STK40: variants seen among roughly 807,000 people sequenced by gnomAD.
STK40 encodes the protein serine/threonine kinase 40.
In STK40, 13 loss-of-function variants were observed where a neutral mutation model predicts 47.9. The observed-to-expected ratio is 0.27, with a 90% CI of 0.18 to 0.43. The LOEUF (loss-of-function observed/expected upper bound fraction) is 0.43, where lower values mean the gene tolerates loss of function less well. STK40 is among the 20% of genes least tolerant of loss of function. STK40 has a pLI of 1.00. For synonymous variants in STK40, 225 were observed against 243.2 expected (o/e 0.93, Z 0.69); for missense variants, 460 against 595.1 (o/e 0.77, Z 2.36).
intron 1 of STK40, among the ~76,000 whole-genome samples, chr1:36,377,426 G>A (rs895114713): frequency 7.3e-5 from 11 of 151,468 alleles, no homozygotes; most frequent in Admixed American, 3.9e-4. Flanking sequence ...CCAGCTACTC[G>A]GGAGGCTGAG....
chr1:36,343,880 G>C lies in STK40; in HGVS notation c.984C>G (p.Leu328=). Residue 328 remains leucine, a synonymous_variant, in exon 9 of 11, where the codon CTC becomes CTG. Coordinates refer to ENST00000373132, the MANE Select transcript of STK40 (RefSeq NM_001282547.2). ...RLAAADVLEA[L]SAIIASWQSL... The stretch of plus-strand genomic sequence containing the variant: ...CTTACCATGATGCAATGATGGCACT[G>C]AGGGCCTCCAGGACGTCGGCGGCGG... The C allele has an allele frequency of 1.9e-6, 3 of 1,602,854 alleles. No homozygotes were observed. Among genetic ancestry groups the C allele is most frequent in the Non-Finnish European group, 2.6e-6 (3 of 1,172,120 alleles).
At chr1:36,383,964 G>T (rs906798674) in intron 1 of STK40, among the ~76,000 whole-genome samples, 2 of 150,824 alleles carry the variant, frequency 1.3e-5, no homozygotes, top group African/African-American at 4.9e-5. Flanking sequence ...TGAGCTCACA[G>T]CTTTCTCCCT....
intron 1 of STK40, among the ~76,000 whole-genome samples, chr1:36,383,026 G>A (rs181024522): frequency 6.6e-5 from 10 of 152,192 alleles, no homozygotes; most frequent in African/African-American, 1.4e-4. Flanking sequence ...TTGGTTCACC[G>A]CAACCTCCGC....
chr1:36,373,120 G>C (rs1003248646), intron 1 of STK40, among the ~76,000 whole-genome samples: 2 of 152,146 alleles, frequency 1.3e-5, no homozygotes, highest in Admixed American at 6.6e-5. Context: ...CTCTACACTA[G>C]TCACCTACCC....
At chr1:36,343,275 G>A (rs772178950) in intron 10 of STK40, 89 bp downstream of exon 10, 1 of 1,392,496 alleles carries the variant, frequency 7.2e-7, no homozygotes, top group South Asian at 1.2e-5. Context: ...TGGCCTGCGG[G>A]TAGCTGCCAC....
intron 4 of STK40, among the ~76,000 whole-genome samples, chr1:36,356,896 A>G (rs1385580245): frequency 1.3e-5 from 2 of 152,124 alleles, no homozygotes; most frequent in East Asian, 3.9e-4. Context: ...ATACCAAGAA[A>G]CCACAATCAC....
intron 1 of STK40, among the ~76,000 whole-genome samples, chr1:36,362,270 C>A (rs1646858692): frequency 6.6e-6 from 1 of 152,156 alleles, no homozygotes; most frequent in Non-Finnish European, 1.5e-5. Context: ...AAAGCAGGAT[C>A]CGGGGGGGAC....
intron 7 of STK40, among the ~76,000 whole-genome samples, chr1:36,346,950 A>G (rs1371148987): frequency 6.6e-6 from 1 of 152,224 alleles, no homozygotes; most frequent in East Asian, 1.9e-4. Context: ...AGAGGGTGCC[A>G]GACTGTGCTG....
intron 4 of STK40, 26 bp downstream of exon 4, chr1:36,358,213 G>A (rs367957252): frequency 2.9e-5 from 45 of 1,560,034 alleles, no homozygotes; most frequent in Middle Eastern, 2.0e-4. Context: ...AGGTGAGCGC[G>A]AAGGGTGAGG....
chr1:36,358,329 C>T lies in STK40; in HGVS notation c.252G>A (p.Arg84=), dbSNP rs1188748982. The change falls in exon 4 of 11, where the codon CGG becomes CGA. Residue 84 remains arginine (R), a synonymous_variant. Coordinates refer to ENST00000373132, the MANE Select transcript of STK40 (RefSeq NM_001282547.2). ...GDQGIESQEE[R]QGKMLLHTEY... ...CGGTGTGCAGCAGCATCTTGCCCTGCCGCTCTTCCTGGCTCTCTATGCCTT... is the reference window on the plus strand; with the variant it reads ...CGGTGTGCAGCAGCATCTTGCCCTGTCGCTCTTCCTGGCTCTCTATGCCTT... 6.2e-7 allele frequency: 1 copy of T among 1,610,138 alleles called. No individual in the cohort carries two copies. The highest frequency in any genetic ancestry group is 8.5e-7 in the Non-Finnish European group (1 of 1,176,664).
chr1:36,361,155 T>G (rs899718546), intron 2 of STK40, 66 bp downstream of exon 2: 19 of 1,585,292 alleles, frequency 1.2e-5, no homozygotes, highest in Non-Finnish European at 1.6e-5. Context: ...GGTCAGATCA[T>G]GCGAGCCAAT....
At position 36,339,800 on chromosome 1, in the gene STK40, G is replaced by A. The variant is rs1315024709; in HGVS notation, c.*1955C>T. The A allele has an allele frequency of 2.6e-5, 4 of 152,698 alleles. No homozygotes were observed. The highest frequency in any genetic ancestry group is 2.0e-4 in the Admixed American group (3 of 15,288). 9.5% of individuals were successfully genotyped at this position (152,698 alleles called of 1,614,324 possible). On this transcript the variant is annotated 3_prime_UTR_variant, in exon 11 of 11. Coordinates refer to ENST00000373132, the MANE Select transcript of STK40 (RefSeq NM_001282547.2). ...CATCCTCCTCTCCTTTGCTTCACCA[G>A]GAATGTCATCAGACACATGGCTTGA... is the stretch of plus-strand genomic sequence containing the variant.
In STK40 at chr1:36,343,854, A is replaced by T. The variant is rs747101218; in HGVS notation, c.1004+6T>A. 1 of 1,580,556 alleles carries T rather than the reference A, an allele frequency of 6.3e-7. No homozygotes were observed. Among genetic ancestry groups the T allele is most frequent in the Admixed American group, 1.8e-5 (1 of 56,884 alleles). On this transcript the variant is annotated splice_donor_region_variant and intron_variant, in intron 9 of 10. Transcript: ENST00000373132. ...CTTGTGCCCGGTCAAGTGCCTGTCC[A>T]CTTACCATGATGCAATGATGGCACT...
intron 7 of STK40, among the ~76,000 whole-genome samples, chr1:36,347,764 TGCCTTAGCCTCC>T (rs1453241994): frequency 6.6e-6 from 1 of 151,912 alleles, no homozygotes; most frequent in African/African-American, 2.4e-5. Flanking sequence ...GCGATTCTCC[TGCCTTAGCCTCC>T]TGAGTAGCTT....
chr1:36,362,752 A>C (rs1212894275), intron 1 of STK40: 1 of 152,240 alleles, frequency 6.6e-6, no homozygotes, highest in South Asian at 2.1e-4. Context: ...ACATTCAAGC[A>C]TGTTTTTCCT....
chr1:36,344,449 G>A (rs565048631), intron 7 of STK40, among the ~76,000 whole-genome samples, 185 bp from the exon 8 acceptor site: 39 of 152,228 alleles, frequency 2.6e-4, no homozygotes, highest in Non-Finnish European at 5.1e-4. Flanking sequence ...CTGCCCCAAG[G>A]AGAGGGCTCA....
chr1:36,383,802 A>T (rs1441977449), intron 1 of STK40, among the ~76,000 whole-genome samples: 1 of 152,022 alleles, frequency 6.6e-6, no homozygotes, highest in African/African-American at 2.4e-5. Flanking sequence ...AGATTTCTGG[A>T]ATAAACTATG....
Position 36,358,327 on chromosome 1 carries a change from T to C in STK40, c.254A>G (p.Gln85Arg). Residue 85 changes from glutamine to arginine, a missense_variant, in exon 4 of 11, where the codon CAG (glutamine) becomes CGG (arginine). Transcript: ENST00000373132. ...CTCGGTGTGCAGCAGCATCTTGCCCTGCCGCTCTTCCTGGCTCTCTATGCC... is the reference window on the plus strand; with the variant it reads ...CTCGGTGTGCAGCAGCATCTTGCCCCGCCGCTCTTCCTGGCTCTCTATGCC... The part of the protein sequence containing the change: ...DQGIESQEER[Q>R]GKMLLHTEYS... The C allele has an allele frequency of 6.2e-7, 1 of 1,610,140 alleles. No individual in the cohort carries two copies. Among genetic ancestry groups the C allele is most frequent in the Non-Finnish European group, 8.5e-7 (1 of 1,176,724 alleles).
intron 2 of STK40, among the ~76,000 whole-genome samples, chr1:36,359,080 C>A (rs1283555387): frequency 6.6e-6 from 1 of 152,126 alleles, no homozygotes; most frequent in Non-Finnish European, 1.5e-5. Context: ...ACCCTGGGTG[C>A]ACGCTGGAAT....
Sources: allele counts gnomAD v4.1 joint callset (sites outside exome capture counted in the v4.1 genomes callset), GRCh38; gene constraint gnomAD v4.1.1; transcripts MANE v1.5; gene names NCBI Gene and HGNC (gene_info 2026-07-23, HGNC 2026-07-21).